EHD3: variants seen among roughly 807,000 people sequenced by gnomAD.
EHD3 encodes the protein EH domain-containing protein 3.
EHD3 carries 17 observed loss-of-function variants against 43.0 expected under a neutral mutation model. That is an observed-to-expected ratio of 0.40 (90% CI 0.27 to 0.59). The LOEUF (loss-of-function observed/expected upper bound fraction) is 0.59, where lower values mean the gene tolerates loss of function less well. Ranked by LOEUF, EHD3 falls within the 20% of genes least tolerant of loss-of-function variation. The pLI, the probability that EHD3 is intolerant of heterozygous loss-of-function variation, is 0.49. For missense variants in EHD3, 594 were observed against 705.6 expected (o/e 0.84, Z 1.79); for synonymous variants, 313 against 289.5 (o/e 1.08, Z -0.82).
At chr2:31,255,130 T>C (rs564517986) in intron 3 of EHD3, among the ~76,000 whole-genome samples, 1 of 152,292 alleles carries the variant, frequency 6.6e-6, no homozygotes, top group Admixed American at 6.5e-5. Flanking sequence ...CTGCCCAGTC[T>C]CCAGGCCCGG....
intron 3 of EHD3, among the ~76,000 whole-genome samples, chr2:31,255,087 C>A (rs1475779815): frequency 6.6e-6 from 1 of 152,222 alleles, no homozygotes; most frequent in Non-Finnish European, 1.5e-5. Flanking sequence ...CATCTGGAGC[C>A]TCCGGTTGGA....
intron 3 of EHD3, among the ~76,000 whole-genome samples, chr2:31,254,989 C>T (rs1014628483): frequency 3.9e-5 from 6 of 152,200 alleles, no homozygotes; most frequent in East Asian, 1.9e-4. Context: ...TGGAAGCCGG[C>T]GGGTGAGGAA....
intron 3 of EHD3, among the ~76,000 whole-genome samples, chr2:31,253,456 G>T (rs1000860875): frequency 7.9e-5 from 12 of 152,138 alleles, no homozygotes; most frequent in African/African-American, 2.9e-4. Flanking sequence ...CTACACGAGG[G>T]CATCTAGAAC....
At chr2:31,247,355 A>C (rs78671367) in intron 2 of EHD3, among the ~76,000 whole-genome samples, 2 of 21,358 alleles carry the variant, frequency 9.4e-5, no homozygotes, top group Admixed American at 7.8e-4. Context: ...ATATTTTACA[A>C]AAAAAAAAAT....
At chr2:31,263,847 C>G (rs1197317923) in intron 5 of EHD3, among the ~76,000 whole-genome samples, 1 of 152,220 alleles carries the variant, frequency 6.6e-6, no homozygotes, top group Non-Finnish European at 1.5e-5. Flanking sequence ...AGCTGTCACC[C>G]TATCACCCTC....
At chr2:31,235,223 T>C (rs182791650) in intron 1 of EHD3, among the ~76,000 whole-genome samples, 41 of 152,254 alleles carry the variant, frequency 2.7e-4, no homozygotes, top group African/African-American at 9.9e-4. Flanking sequence ...CTTCACTTTT[T>C]AGCAACACAT....
At chr2:31,258,355 G>A (rs1019819600) in intron 3 of EHD3, among the ~76,000 whole-genome samples, 5 of 152,058 alleles carry the variant, frequency 3.3e-5, no homozygotes, top group South Asian at 2.1e-4. Context: ...GCCTCCACAC[G>A]TCCTAAATAT....
chr2:31,259,277 G>T (rs946204791), intron 3 of EHD3, among the ~76,000 whole-genome samples: 14 of 152,136 alleles, frequency 9.2e-5, no homozygotes, highest in Admixed American at 2.0e-4. Flanking sequence ...ATCTTCATGC[G>T]ACTGCTGCTG....
chr2:31,261,044 A>T, intron 4 of EHD3, 122 bp downstream of exon 4: 1 of 1,139,724 alleles, frequency 8.8e-7, no homozygotes, highest in South Asian at 1.6e-5. Context: ...ACCAAGGGGC[A>T]GGACAGTGCG....
At chr2:31,252,178 G>T (rs1235317945) in intron 3 of EHD3, among the ~76,000 whole-genome samples, 1 of 152,202 alleles carries the variant, frequency 6.6e-6, no homozygotes, top group Non-Finnish European at 1.5e-5. Context: ...TGTGTAACAA[G>T]GGGTAATGAT....
intron 3 of EHD3, among the ~76,000 whole-genome samples, chr2:31,255,084 A>G (rs1683724682): frequency 6.6e-6 from 1 of 152,130 alleles, no homozygotes; most frequent in African/African-American, 2.4e-5. Flanking sequence ...AGTCATCTGG[A>G]GCCTCCGGTT....
At chr2:31,240,051 G>T (rs1683391105) in intron 1 of EHD3, among the ~76,000 whole-genome samples, 1 of 152,178 alleles carries the variant, frequency 6.6e-6, no homozygotes, top group African/African-American at 2.4e-5. Context: ...TCATCACATG[G>T]CTGAGGGTGC....
chr2:31,240,076 A>T (rs1256615591), intron 1 of EHD3, among the ~76,000 whole-genome samples: 1 of 152,128 alleles, frequency 6.6e-6, no homozygotes, highest in East Asian at 1.9e-4. Flanking sequence ...GACAGGGCCA[A>T]TTATAGCTGC....
Position 31,241,437 on chromosome 2 carries a change from TC to T in EHD3, c.228-2835del, listed in dbSNP as rs550078445. ...CACCTGGGGCACCTTTATCTCCTCC[TC>T]CTTCAAATGGAATGATAATCTAGGT... is the stretch of plus-strand genomic sequence containing the variant. On this transcript the variant is annotated intron_variant, in intron 1 of 5. Transcript: ENST00000322054. Among the ~76,000 whole-genome samples, 55 of 152,282 alleles carry T rather than the reference TC, an allele frequency of 3.6e-4. No homozygotes were observed. In the East Asian group the frequency reaches 0.01, roughly 28 times the overall value.
chr2:31,238,719 C>T (rs748137910), intron 1 of EHD3, among the ~76,000 whole-genome samples: 1 of 152,110 alleles, frequency 6.6e-6, no homozygotes, highest in Non-Finnish European at 1.5e-5. Context: ...CTGGTCACTC[C>T]TTCTCGCTGC....
chr2:31,259,430 GACTATTGGTCC>G (rs1178732729), intron 3 of EHD3, among the ~76,000 whole-genome samples: 1 of 152,172 alleles, frequency 6.6e-6, no homozygotes, highest in African/African-American at 2.4e-5. Context: ...TGAATGTATA[GACTATTGGTCC>G]ACCCTCCTAC....
rs369734627 is a variant in EHD3, at chr2:31,234,571, G to C, written c.-51G>C. ...CCGGTCCTACGGGACATCTTCCCCT[G>C]AGGAGGAGTCTTCCCCTGGGGCTGC... On this transcript the variant is annotated 5_prime_UTR_variant, in exon 1 of 6. Transcript: ENST00000322054. 1.4e-5 allele frequency: 22 copies of C among 1,597,428 alleles called. No homozygotes were observed. The African/African-American group carries it at 2.8e-4, about 20-fold the overall frequency.
intron 3 of EHD3, among the ~76,000 whole-genome samples, chr2:31,251,100 T>C (rs1474089822): frequency 6.6e-6 from 1 of 152,202 alleles, no homozygotes; most frequent in Non-Finnish European, 1.5e-5. Context: ...TGCAGTTGTG[T>C]ATTGACGAGG....
rs1181268131 is a variant in EHD3 at position 31,260,743 on chromosome 2, A to G, written c.736A>G (p.Thr246Ala). ...GTGGTCCTTGGGGAAGATCGTGAACACCCCAGAGGTGATCCGGGTCTACAT... is the reference window on the plus strand; with the variant it reads ...GTGGTCCTTGGGGAAGATCGTGAACGCCCCAGAGGTGATCCGGGTCTACAT... Reference protein sequence around the residue: ...LMWSLGKIVNTPEVIRVYIGS... With the variant: ...LMWSLGKIVNAPEVIRVYIGS... The change falls in exon 4 of 6, where the codon ACC becomes GCC. Residue 246 changes from threonine to alanine, a missense_variant. Physicochemically the swap from Thr to Ala is moderately conservative, Grantham distance 58. Coordinates refer to ENST00000322054, the MANE Select transcript of EHD3 (RefSeq NM_014600.3). This position sits in a 1 kb window ranked among gnomAD's most constrained non-coding sequence, Gnocchi z 4.6. 6.2e-7 allele frequency: 1 copy of G among 1,613,738 alleles called. No homozygotes were observed. Among genetic ancestry groups the G allele is most frequent in the Non-Finnish European group, 8.5e-7 (1 of 1,179,970 alleles).
Sources: allele counts gnomAD v4.1 joint callset (sites outside exome capture counted in the v4.1 genomes callset), GRCh38; gene constraint gnomAD v4.1.1; non-coding constraint Gnocchi (gnomAD v3.1); transcripts MANE v1.5; gene names NCBI Gene and HGNC (gene_info 2026-07-23, HGNC 2026-07-21).